ARMC8: variants seen among roughly 807,000 people sequenced by gnomAD.
ARMC8 encodes armadillo repeat containing 8.
ARMC8 carries 20 observed loss-of-function variants against 99.3 expected under a neutral mutation model. The observed-to-expected ratio is 0.20, with a 90% CI of 0.14 to 0.29. ARMC8 has a LOEUF of 0.29. Ranked by LOEUF, ARMC8 falls within the 10% of genes least tolerant of loss-of-function variation. The probability of loss-of-function intolerance (pLI) is 1.00; values close to 1 mark genes in which losing one functional copy is unlikely to be tolerated. For missense variants in ARMC8, 569 were observed against 809.5 expected (o/e 0.70, Z 3.60); for synonymous variants, 263 against 278.3 (o/e 0.95, Z 0.55).
At chr3:138,245,526 A>G (rs2046841864) in intron 12 of ARMC8, 4 of 1,164,284 alleles carry the variant, frequency 3.4e-6, no homozygotes, top group Non-Finnish European at 3.2e-6. Context: ...TCCTAACATT[A>G]GAATTGTAAA....
At chr3:138,219,650 G>C (rs1054464130) in intron 2 of ARMC8, among the ~76,000 whole-genome samples, 18 of 152,150 alleles carry the variant, frequency 1.2e-4, no homozygotes, top group African/African-American at 4.1e-4. Context: ...TTCCTTTATA[G>C]CAACAATTGA....
intron 18 of ARMC8, among the ~76,000 whole-genome samples, chr3:138,282,395 CCCAG>C (rs1180214859): frequency 2.0e-5 from 3 of 152,078 alleles, no homozygotes; most frequent in Non-Finnish European, 4.4e-5. Context: ...TGCCTGTAAT[CCCAG>C]CACTTTGGGA....
At chr3:138,268,197 C>T (rs1016194091) in intron 15 of ARMC8, among the ~76,000 whole-genome samples, 1 of 152,012 alleles carries the variant, frequency 6.6e-6, no homozygotes, top group Admixed American at 6.6e-5. Context: ...GAGCTGAGAT[C>T]GCGCCACTGC....
At chr3:138,275,944 CACA>C (rs2049250705) in intron 18 of ARMC8, among the ~76,000 whole-genome samples, 1 of 151,966 alleles carries the variant, frequency 6.6e-6, no homozygotes, top group South Asian at 2.1e-4. Flanking sequence ...ATTACTGAAA[CACA>C]ACAATGAAGA....
Position 138,221,949 on chromosome 3 carries a change from G to T in ARMC8, c.146G>T (p.Gly49Val). The T allele has an allele frequency of 1.2e-6, 2 of 1,613,248 alleles. No individual in the cohort carries two copies. Among genetic ancestry groups the T allele is most frequent in the South Asian group, 1.1e-5 (1 of 91,040 alleles). The change falls in exon 3 of 22, where the codon GGA (glycine) becomes GTA (valine). Residue 49 changes from glycine (G) to valine (V), a missense_variant. Coordinates refer to ENST00000469044, the MANE Select transcript of ARMC8 (RefSeq NM_001363941.2). ...GVIDMKNAVI[G>V]NNKQKANLIV... ...AGAGACATGAAAAATGCTGTAATTG[G>T]AAACAACAAGCAGAAAGCCAATCTC... is the stretch of plus-strand genomic sequence containing the variant.
chr3:138,206,147 G>A (rs2044361213), intron 1 of ARMC8, among the ~76,000 whole-genome samples: 1 of 152,082 alleles, frequency 6.6e-6, no homozygotes, highest in Admixed American at 6.5e-5. Context: ...AATTTTTATT[G>A]GAAATACTTG....
In ARMC8 at chr3:138,239,513, C is replaced by T. The variant is rs768424976; in HGVS notation, c.822C>T (p.Asn274=). 11 of 1,590,934 alleles carry T rather than the reference C, an allele frequency of 6.9e-6. No individual in the cohort carries two copies. Among genetic ancestry groups the T allele is most frequent in the Middle Eastern group, 3.5e-4 (2 of 5,778 alleles). The change falls in exon 10 of 22, where the codon AAC becomes AAT. Residue 274 remains asparagine (N), a synonymous_variant. Transcript: ENST00000469044. ...CRAGAIRTDD[N]CIVLKTLPCL... Reference sequence around the variant, plus strand: ...CTGGAGCAATTCGGACAGATGATAACTGTATTGTATTAAAGGTAAGCTAAT... The same window carrying T: ...CTGGAGCAATTCGGACAGATGATAATTGTATTGTATTAAAGGTAAGCTAAT...
At chr3:138,239,801 G>A (rs1559974618) in intron 10 of ARMC8, among the ~76,000 whole-genome samples, 1 of 152,166 alleles carries the variant, frequency 6.6e-6, no homozygotes, top group Non-Finnish European at 1.5e-5. Flanking sequence ...AATTGTAAAA[G>A]TGTACAATTC....
At position 138,239,506 on chromosome 3, in the gene ARMC8, A is replaced by G. The variant is rs779903009; in HGVS notation, c.815A>G (p.Asp272Gly). 1 of 1,601,324 alleles carries G rather than the reference A, an allele frequency of 6.2e-7. No homozygotes were observed. The highest frequency in any genetic ancestry group is 8.5e-7 in the Non-Finnish European group (1 of 1,173,806). The change falls in exon 10 of 22, where the codon GAT (aspartate) becomes GGT (glycine). Residue 272 changes from aspartate (D) to glycine (G), a missense_variant. Asp to Gly is a moderately conservative substitution (Grantham distance 94, BLOSUM62 -1). Transcript: ENST00000469044. Reference protein sequence around the residue: ...YMCRAGAIRTDDNCIVLKTLP... With the variant: ...YMCRAGAIRTGDNCIVLKTLP... ...TGTAGAGCTGGAGCAATTCGGACAG[A>G]TGATAACTGTATTGTATTAAAGGTA...
chr3:138,223,248 T>G, intron 3 of ARMC8, 141 bp from the exon 4 acceptor site: 3 of 682,818 alleles, frequency 4.4e-6, no homozygotes, highest in East Asian at 2.8e-5. Context: ...AATTAGCAGA[T>G]GAGATAAACA....
At chr3:138,246,425 G>A (rs1452884630) in intron 12 of ARMC8, 7 of 985,424 alleles carry the variant, frequency 7.1e-6, no homozygotes, top group African/African-American at 3.5e-5. Flanking sequence ...ATTTATGGAT[G>A]TTGACGCCAA....
chr3:138,243,873 G>A (rs1434385794), intron 11 of ARMC8, among the ~76,000 whole-genome samples: 1 of 152,150 alleles, frequency 6.6e-6, no homozygotes, highest in Non-Finnish European at 1.5e-5. Context: ...TACATCATTG[G>A]ATGAGTGAAC....
At chr3:138,226,362 TAG>T (rs1353197181) in intron 5 of ARMC8, among the ~76,000 whole-genome samples, 2 of 152,232 alleles carry the variant, frequency 1.3e-5, no homozygotes, top group Non-Finnish European at 2.9e-5. Flanking sequence ...CATAAATCTA[TAG>T]AGTGTTTACT....
chr3:138,194,322 C>T (rs1351474968), intron 1 of ARMC8, among the ~76,000 whole-genome samples: 2 of 146,232 alleles, frequency 1.4e-5, no homozygotes, highest in African/African-American at 2.5e-5. Flanking sequence ...GGATTACAGG[C>T]GTAAGCCACT....
intron 13 of ARMC8, 85 bp from the exon 14 acceptor site, chr3:138,264,046 T>G: frequency 8.1e-7 from 1 of 1,228,346 alleles, no homozygotes; most frequent in East Asian, 2.3e-5. Context: ...GAAGTGTACA[T>G]TAGTCATTGT....
At chr3:138,250,110 A>AT (rs869202628) in intron 12 of ARMC8, among the ~76,000 whole-genome samples, 4 of 151,910 alleles carry the variant, frequency 2.6e-5, no homozygotes, top group African/African-American at 7.2e-5. Context: ...ATTAAAAAAA[A>AT]TTTTTTTTTG....
intron 1 of ARMC8, chr3:138,187,816 C>A: frequency 1.8e-6 from 1 of 561,288 alleles, no homozygotes; most frequent in Non-Finnish European, 3.1e-6. Context: ...GGAGCTCCCG[C>A]CGGTGCGGGT....
intron 11 of ARMC8, among the ~76,000 whole-genome samples, chr3:138,243,267 A>G (rs2046715359): frequency 6.6e-6 from 1 of 152,234 alleles, no homozygotes. Context: ...CCATCAGAGT[A>G]AAACTGTAAC....
At chr3:138,191,887 C>T (rs550016774) in intron 1 of ARMC8, among the ~76,000 whole-genome samples, 29 of 152,222 alleles carry the variant, frequency 1.9e-4, no homozygotes, top group Non-Finnish European at 2.9e-4. Context: ...TACCACAGCT[C>T]GTTTAACCAT....
Sources: allele counts gnomAD v4.1 joint callset (sites outside exome capture counted in the v4.1 genomes callset), GRCh38; gene constraint gnomAD v4.1.1; transcripts MANE v1.5; gene names NCBI Gene and HGNC (gene_info 2026-07-23, HGNC 2026-07-21).